STYK1: variants seen among roughly 807,000 people sequenced by gnomAD.
The protein encoded by STYK1 is tyrosine-protein kinase STYK1.
In STYK1, 46 loss-of-function variants were observed where a neutral mutation model predicts 48.1. The observed-to-expected ratio is 0.96, with a 90% CI of 0.75 to 1.22. The LOEUF is 1.22. Among genes scored for constraint, STYK1 ranks in the 50% most tolerant of loss-of-function variants. The probability of loss-of-function intolerance (pLI) is 0.00; values close to 1 mark genes in which losing one functional copy is unlikely to be tolerated. For missense variants in STYK1, 527 were observed against 521.1 expected (o/e 1.01, Z -0.11); for synonymous variants, 188 against 189.0 (o/e 0.99, Z 0.04).
chr12:10,670,910 G>C (rs551463312), intron 1 of STYK1, among the ~76,000 whole-genome samples: 1 of 149,342 alleles, frequency 6.7e-6, no homozygotes, highest in East Asian at 1.9e-4. Flanking sequence ...AGAATACCCA[G>C]TTGGGAAAGC....
intron 1 of STYK1, among the ~76,000 whole-genome samples, chr12:10,646,640 C>T (rs1253462884): frequency 6.6e-6 from 1 of 152,198 alleles, no homozygotes; most frequent in East Asian, 1.9e-4. Flanking sequence ...GCATAAGTAA[C>T]AAGGAGCCAA....
At chr12:10,665,351 G>A (rs1457675889) in intron 1 of STYK1, among the ~76,000 whole-genome samples, 3 of 152,162 alleles carry the variant, frequency 2.0e-5, no homozygotes, top group Non-Finnish European at 4.4e-5. Flanking sequence ...GCCGTAGAAT[G>A]CCCTATGTGT....
At chr12:10,639,864 T>C (rs375570468) in intron 1 of STYK1, among the ~76,000 whole-genome samples, 31 of 152,320 alleles carry the variant, frequency 2.0e-4, no homozygotes, top group African/African-American at 6.3e-4. Context: ...AGGAATTACA[T>C]TGGAATCCAA....
intron 8 of STYK1, among the ~76,000 whole-genome samples, chr12:10,624,254 TA>T (rs145247786): frequency 0.047 from 6,753 of 142,584 alleles, 517 homozygotes; most frequent in African/African-American, 0.16. Context: ...ACCTTGTCTC[TA>T]AAAAAAAAAG....
chr12:10,620,211 G>C lies in STYK1; in HGVS notation c.1202C>G (p.Pro401Arg). 1 of 1,614,168 alleles carries C rather than the reference G, an allele frequency of 6.2e-7. No individual in the cohort carries two copies. Among genetic ancestry groups the C allele is most frequent in the Non-Finnish European group, 8.5e-7 (1 of 1,180,022 alleles). The change falls in exon 11 of 11, where the codon CCT becomes CGT. Residue 401 changes from proline (P) to arginine (R), a missense_variant. Pro to Arg is a moderately radical substitution (Grantham distance 103, BLOSUM62 -2). Transcript: ENST00000075503. ...GCCGGCCACAGCTGCATACAGTTCA[G>C]GTACCACCAACTCTGGTACTTGTAA... ...AVLQVPELVV[P>R]ELYAAVAGIR...
rs1173883302 is a variant in STYK1 at position 10,621,979 on chromosome 12, TTAC to T, written c.968-10_968-8del. The T allele has an allele frequency of 4.3e-6, 7 of 1,611,896 alleles. No individual in the cohort carries two copies. The Middle Eastern group carries it at 8.3e-4, about 190-fold the overall frequency. ...TCAGGATACGGTGGTGCTCCTGTCA[TTAC>T]GAAAATAATGAGAACTTTAAGGTCC... On this transcript the variant is annotated splice_region_variant and splice_polypyrimidine_tract_variant and intron_variant, in intron 9 of 10. Transcript: ENST00000075503.
At chr12:10,659,842 C>T (rs1007333197) in intron 1 of STYK1, among the ~76,000 whole-genome samples, 2 of 152,084 alleles carry the variant, frequency 1.3e-5, no homozygotes, top group Non-Finnish European at 2.9e-5. Flanking sequence ...TATGATTTGT[C>T]TTTAGTAAAA....
At chr12:10,626,109 C>T (rs1947355701) in intron 7 of STYK1, among the ~76,000 whole-genome samples, 1 of 152,088 alleles carries the variant, frequency 6.6e-6, no homozygotes, top group Non-Finnish European at 1.5e-5. Context: ...ACAAAGAAAA[C>T]TAGCAGTTTT....
chr12:10,669,323 T>C (rs1947868536), intron 1 of STYK1, among the ~76,000 whole-genome samples: 1 of 152,216 alleles, frequency 6.6e-6, no homozygotes, highest in African/African-American at 2.4e-5. Flanking sequence ...TTCTGTTCGA[T>C]AGGGACACAT....
intron 6 of STYK1, among the ~76,000 whole-genome samples, chr12:10,628,541 C>T (rs1947385863): frequency 6.6e-6 from 1 of 152,132 alleles, no homozygotes. Context: ...TTGCAATCGT[C>T]CTATTGACAA....
intron 1 of STYK1, among the ~76,000 whole-genome samples, chr12:10,639,501 G>A (rs188059729): frequency 1.3e-3 from 198 of 151,686 alleles, no homozygotes; most frequent in African/African-American, 4.5e-3. Context: ...TGCAACCTCC[G>A]TCTCCCAGGT....
At chr12:10,633,679 C>T (rs372128098) in intron 4 of STYK1, among the ~76,000 whole-genome samples, 132 of 152,246 alleles carry the variant, frequency 8.7e-4, no homozygotes, top group African/African-American at 2.9e-3. Context: ...ACTTTACCCC[C>T]TTAGGTCTTT....
chr12:10,634,449 A>G, intron 3 of STYK1, 118 bp downstream of exon 3: 5 of 1,157,404 alleles, frequency 4.3e-6, no homozygotes, highest in Non-Finnish European at 6.4e-6. Context: ...CCATCCTTTT[A>G]TCACCACTGT....
chr12:10,630,620 G>A (rs1317184948), intron 5 of STYK1, among the ~76,000 whole-genome samples: 1 of 150,548 alleles, frequency 6.6e-6, no homozygotes, highest in Non-Finnish European at 1.5e-5. Flanking sequence ...GTGACATACC[G>A]CATTAACAGA....
At position 10,668,170 on chromosome 12, in the gene STYK1, C is replaced by G. The variant is rs74241112; in HGVS notation, c.-195+5796G>C. On this transcript the variant is annotated intron_variant, in intron 1 of 10. Coordinates refer to ENST00000075503, the MANE Select transcript of STYK1 (RefSeq NM_018423.3). The stretch of plus-strand genomic sequence containing the variant: ...TCTCCAGCAATTTCCCAGTCAAACT[C>G]TACCCTCCATTTTTCAAAAGGAATA... 1.3e-3 allele frequency among the ~76,000 whole-genome samples: 191 copies of G among 152,054 alleles called. 4 individuals are homozygous for G. In the East Asian group the frequency reaches 0.03, roughly 24 times the overall value.
intron 1 of STYK1, among the ~76,000 whole-genome samples, chr12:10,665,158 C>G (rs1947821405): frequency 6.6e-6 from 1 of 152,214 alleles, no homozygotes; most frequent in African/African-American, 2.4e-5. Flanking sequence ...AGGTTCAACT[C>G]TCAGTGTCAG....
chr12:10,627,750 T>C (rs1016770060), intron 6 of STYK1, 26 bp from the exon 7 acceptor site: 1 of 1,582,046 alleles, frequency 6.3e-7, no homozygotes, highest in Admixed American at 1.8e-5. Flanking sequence ...AAAAAAGCCA[T>C]TATATCAAAA....
At chr12:10,670,593 C>T (rs1042210927) in intron 1 of STYK1, among the ~76,000 whole-genome samples, 2 of 151,392 alleles carry the variant, frequency 1.3e-5, no homozygotes, top group South Asian at 2.1e-4. Context: ...GTTAGAAAGA[C>T]GTCAAAGGAT....
chr12:10,659,808 T>C (rs554383872), intron 1 of STYK1, among the ~76,000 whole-genome samples: 4 of 152,336 alleles, frequency 2.6e-5, no homozygotes, highest in Non-Finnish European at 2.9e-5. Context: ...GTAAAGCTTA[T>C]TTTTGCAAAC....
Sources: gnomAD v4.1 joint callset for allele counts (sites outside exome capture counted in the v4.1 genomes callset) on GRCh38, gnomAD v4.1.1 for gene constraint, MANE v1.5 for transcripts, NCBI Gene and HGNC (gene_info 2026-07-23, HGNC 2026-07-21) for gene names.